The following EBF3 variants were observed in gnomAD, a reference collection of about 807,000 sequenced individuals.
EBF3 encodes the protein transcription factor COE3.
Under a neutral mutation model 77.1 loss-of-function variants are expected in EBF3, and 18 were observed. That is an observed-to-expected ratio of 0.23 (90% CI 0.16 to 0.35). EBF3 has a LOEUF of 0.35. Among genes scored for constraint, EBF3 ranks in the 10% least tolerant of loss-of-function variants. The pLI, the probability that EBF3 is intolerant of heterozygous loss-of-function variation, is 1.00. For synonymous variants in EBF3, 350 were observed against 343.5 expected, an observed-to-expected ratio of 1.02 and a Z score of -0.21; for missense variants, 558 against 860.0, an observed-to-expected ratio of 0.65 and a Z score of 4.39.
Position 129,845,319 on chromosome 10 carries a change from T to C in EBF3, c.1129-2117A>G, listed in dbSNP as rs568099779. On this transcript the variant is annotated intron_variant, in intron 11 of 16. Coordinates refer to ENST00000440978, the MANE Select transcript of EBF3 (RefSeq NM_001375380.1). ...GAAAAGCATTTCGATGGAAATTTCT[T>C]AGCCACAACCATAAGTGTAATTGGC... 4 of 152,346 alleles carry C rather than the reference T, an allele frequency of 2.6e-5. No homozygotes were observed. In the South Asian group the frequency reaches 8.3e-4, roughly 32 times the overall value. 9.4% of individuals were successfully genotyped at this position (152,346 alleles called of 1,614,324 possible). A position where few individuals can be genotyped will look rare whatever the true frequency, so the allele number is the denominator to read the frequency against.
intron 6 of EBF3, among the ~76,000 whole-genome samples, chr10:129,889,192 T>C (rs1853832632): frequency 6.6e-6 from 1 of 152,226 alleles, no homozygotes; most frequent in African/African-American, 2.4e-5. Flanking sequence ...CAGAGCAGCA[T>C]GTGCCCTGCA....
At chr10:129,920,009 C>T (rs1219611833) in intron 6 of EBF3, among the ~76,000 whole-genome samples, 1 of 146,576 alleles carries the variant, frequency 6.8e-6, no homozygotes. Context: ...TAAACCCGCC[C>T]CACTGTGCGG....
Position 129,943,543 on chromosome 10 carries a change from C to T in EBF3, c.554+13715G>A, listed in dbSNP as rs1564913057. 6.6e-6 allele frequency among the ~76,000 whole-genome samples: 1 copy of T among 152,212 alleles called. No individual in the cohort carries two copies. ...TTTCAGCTGGACCTGGCCTCCAGCG[C>T]ACTTGGATGCTAGGGATGAGCCTCA... On this transcript the variant is annotated intron_variant, in intron 6 of 16. Transcript: ENST00000440978. This position sits in a 1 kb window ranked among gnomAD's most constrained non-coding sequence, Gnocchi z 8.8.
At chr10:129,843,274 T>C in intron 11 of EBF3, 72 bp from the exon 12 acceptor site, 1 of 1,506,356 alleles carries the variant, frequency 6.6e-7, no homozygotes, top group Non-Finnish European at 9.1e-7. Flanking sequence ...CAGTACCAGT[T>C]CCGTCTGCGG....
intron 6 of EBF3, among the ~76,000 whole-genome samples, chr10:129,889,999 C>G (rs1480478220): frequency 3.8e-5 from 5 of 129,894 alleles, no homozygotes; most frequent in Non-Finnish European, 6.2e-5. Flanking sequence ...TCTTGACTTC[C>G]CTGAGAGTCA....
intron 10 of EBF3, among the ~76,000 whole-genome samples, chr10:129,857,443 C>T (rs1445048464): frequency 6.6e-6 from 1 of 152,122 alleles, no homozygotes. Context: ...CCTGGAACTC[C>T]TCAACGCCTG....
intron 6 of EBF3, among the ~76,000 whole-genome samples, chr10:129,887,516 GA>G (rs1345523598): frequency 6.6e-6 from 1 of 152,188 alleles, no homozygotes; most frequent in Non-Finnish European, 1.5e-5. Context: ...GTCAAATCAA[GA>G]AAAGCTGGAT....
In EBF3 at chr10:129,944,214, T is replaced by C. The variant is rs536140139; in HGVS notation, c.554+13044A>G. Among the ~76,000 whole-genome samples the C allele has an allele frequency of 6.6e-6, 1 of 152,360 alleles. No homozygotes were observed. The highest frequency in any genetic ancestry group is 1.9e-4 in the East Asian group (1 of 5,192). ...AGGCCGGTCCGGCATCCAGTTACAA[T>C]AACATTAAAATATATTGTTTATTTG... is the stretch of plus-strand genomic sequence containing the variant. On this transcript the variant is annotated intron_variant, in intron 6 of 16. Transcript: ENST00000440978. The surrounding 1 kb of genome is among the most constrained non-coding windows in gnomAD (Gnocchi z 5.1).
chr10:129,901,083 T>C (rs527620595), intron 6 of EBF3, among the ~76,000 whole-genome samples: 27 of 152,328 alleles, frequency 1.8e-4, no homozygotes, highest in South Asian at 8.3e-4. Flanking sequence ...CATTCTCAAC[T>C]GTAGGATGCT....
Position 129,885,995 on chromosome 10 carries a change from A to G in EBF3, c.555-8146T>C, listed in dbSNP as rs1853550931. On this transcript the variant is annotated intron_variant, in intron 6 of 16. Coordinates refer to ENST00000440978, the MANE Select transcript of EBF3 (RefSeq NM_001375380.1). This position sits in a 1 kb window ranked among gnomAD's most constrained non-coding sequence, Gnocchi z 4.0. The stretch of plus-strand genomic sequence containing the variant: ...CTGATGGCTGGGGAGGTCATTCTCA[A>G]AATAAATGTGGGTGAGGGGGTGTTG... Among the ~76,000 whole-genome samples, 1 of 151,922 alleles carries G rather than the reference A, an allele frequency of 6.6e-6. No individual in the cohort carries two copies. Among genetic ancestry groups the G allele is most frequent in the African/African-American group, 2.4e-5 (1 of 41,374 alleles).
chr10:129,941,302 C>T (rs773536917), intron 6 of EBF3, among the ~76,000 whole-genome samples: 4 of 152,210 alleles, frequency 2.6e-5, no homozygotes, highest in South Asian at 2.1e-4. Flanking sequence ...GCTGGAGCTC[C>T]GCACCCTTGC....
At position 129,877,950 on chromosome 10, in the gene EBF3, C is replaced by G. The variant is rs1852911162; in HGVS notation, c.555-101G>C. ...GCGCAGGGAGGAGTGGAGACTCAAC[C>G]CCACAGCTTCCACACTTCCCTCTAG... On this transcript the variant is annotated intron_variant, in intron 6 of 16. Coordinates refer to ENST00000440978, the MANE Select transcript of EBF3 (RefSeq NM_001375380.1). 5 of 880,080 alleles carry G rather than the reference C, an allele frequency of 5.7e-6. No homozygotes were observed. In the Admixed American group the frequency reaches 1.2e-4, roughly 21 times the overall value. The allele number at this position is 880,080 out of a possible 1,614,324, so 54.5% of individuals were successfully genotyped here. A position where few individuals can be genotyped will look rare whatever the true frequency, so the allele number is the denominator to read the frequency against.
rs71481019 is a variant in EBF3 at position 129,917,651 on chromosome 10, C to CAAAAAAAAAAAA, written c.554+39595_554+39606dup. Among the ~76,000 whole-genome samples the CAAAAAAAAAAAA allele has an allele frequency of 4.5e-3, 107 of 23,584 alleles. 7 individuals are homozygous for CAAAAAAAAAAAA. Among genetic ancestry groups the CAAAAAAAAAAAA allele is most frequent in the East Asian group, 7.0e-3 (6 of 858 alleles). 15.5% of individuals were successfully genotyped at this position (23,584 alleles called of 152,430 possible). ...TGGGCACCACAGCAAGACCCTGCCT[C>CAAAAAAAAAAAA]AAAAAAAAAAAAAAAAAAAAAAAAA... On this transcript the variant is annotated intron_variant, in intron 6 of 16. Coordinates refer to ENST00000440978, the MANE Select transcript of EBF3 (RefSeq NM_001375380.1).
intron 6 of EBF3, among the ~76,000 whole-genome samples, chr10:129,937,374 C>T (rs910674031): frequency 5.9e-5 from 9 of 152,186 alleles, no homozygotes; most frequent in Admixed American, 5.2e-4. Flanking sequence ...AGTGGGAATA[C>T]GATCCTTGAG....
chr10:129,894,195 C>T (rs968167681), intron 6 of EBF3, among the ~76,000 whole-genome samples: 23 of 152,166 alleles, frequency 1.5e-4, no homozygotes, highest in Non-Finnish European at 2.8e-4. Flanking sequence ...GTGTCTCCTG[C>T]GCAGAACTTT....
rs559144524 is a variant in EBF3 at position 129,880,836 on chromosome 10, TA to T, written c.555-2988del. 2.3e-4 allele frequency among the ~76,000 whole-genome samples: 35 copies of T among 152,316 alleles called. No individual in the cohort carries two copies. The South Asian group carries it at 7.1e-3, about 31-fold the overall frequency. ...GTCATGTCTGAGTTGGGGATTCAAT[TA>T]AGCCTTTGCAAGGTGGCTGGCACCG... On this transcript the variant is annotated intron_variant, in intron 6 of 16. Transcript: ENST00000440978.
In EBF3 at chr10:129,909,772, G is replaced by T. The variant is rs559924060; in HGVS notation, c.555-31923C>A. ...CACCGTCAGCCGCCAAGGCCCTGGG[G>T]TCCCCCCAGAACAGCAGCGCCCACC... is the stretch of plus-strand genomic sequence containing the variant. On this transcript the variant is annotated intron_variant, in intron 6 of 16. Coordinates refer to ENST00000440978, the MANE Select transcript of EBF3 (RefSeq NM_001375380.1). Among the ~76,000 whole-genome samples the T allele has an allele frequency of 3.3e-5, 5 of 152,272 alleles. 1 individual carries two copies. The highest frequency in any genetic ancestry group is 3.3e-4 in the Admixed American group (5 of 15,296).
At chr10:129,882,325 T>C (rs1564852865) in intron 6 of EBF3, among the ~76,000 whole-genome samples, 2 of 152,238 alleles carry the variant, frequency 1.3e-5, no homozygotes, top group Non-Finnish European at 2.9e-5. Flanking sequence ...AGCTCTCCTT[T>C]AAACGGCTAC....
At chr10:129,851,443 G>C (rs1186571044) in intron 10 of EBF3, among the ~76,000 whole-genome samples, 1 of 152,190 alleles carries the variant, frequency 6.6e-6, no homozygotes, top group African/African-American at 2.4e-5. Context: ...AGCATGCTTA[G>C]TCTCCGAACA....
Sources: gnomAD v4.1 joint callset for allele counts (sites outside exome capture counted in the v4.1 genomes callset) on GRCh38, gnomAD v4.1.1 for gene constraint, Gnocchi (gnomAD v3.1) non-coding constraint, MANE v1.5 for transcripts, NCBI Gene and HGNC (gene_info 2026-07-23, HGNC 2026-07-21) for gene names.